PRKCE: variants seen among roughly 807,000 people sequenced by gnomAD.
The protein encoded by PRKCE is protein kinase C epsilon, also known as protein kinase C epsilon type.
Under a neutral mutation model 85.4 loss-of-function variants are expected in PRKCE, and 16 were observed. The observed-to-expected ratio is 0.19, with a 90% CI of 0.13 to 0.28. The LOEUF (loss-of-function observed/expected upper bound fraction) is 0.28. Among genes scored for constraint, PRKCE ranks in the 10% least tolerant of loss-of-function variants. The probability of loss-of-function intolerance (pLI) is 1.00; values close to 1 mark genes in which losing one functional copy is unlikely to be tolerated. For synonymous variants in PRKCE, 388 were observed against 371.5 expected, an observed-to-expected ratio of 1.04 and a Z score of -0.51; for missense variants, 573 against 975.2, an observed-to-expected ratio of 0.59 and a Z score of 5.49.
At chr2:45,707,933 C>A (rs1435427815) in intron 1 of PRKCE, among the ~76,000 whole-genome samples, 1 of 152,212 alleles carries the variant, frequency 6.6e-6, no homozygotes, top group Non-Finnish European at 1.5e-5. Flanking sequence ...CTTCCTGCAG[C>A]ATGACTTATG....
chr2:45,799,208 G>A (rs55824628), intron 1 of PRKCE, among the ~76,000 whole-genome samples: 7,503 of 150,298 alleles, frequency 0.05, 634 homozygotes, highest in African/African-American at 0.17. Flanking sequence ...ATTCATTATT[G>A]ATGTTCTATT....
At chr2:46,074,584 G>A (rs1243492010) in intron 10 of PRKCE, among the ~76,000 whole-genome samples, 1 of 152,150 alleles carries the variant, frequency 6.6e-6, no homozygotes, top group Non-Finnish European at 1.5e-5. Context: ...TGAGCCTCCT[G>A]GAAATCAGAA....
intron 11 of PRKCE, among the ~76,000 whole-genome samples, chr2:46,115,890 G>T (rs1310010750): frequency 6.6e-6 from 1 of 152,134 alleles, no homozygotes; most frequent in African/African-American, 2.4e-5. Flanking sequence ...CTTCATCTTT[G>T]ATTTTCTTTT....
intron 1 of PRKCE, among the ~76,000 whole-genome samples, chr2:45,730,855 G>T (rs973388908): frequency 6.6e-6 from 1 of 152,122 alleles, no homozygotes. Context: ...AATTAATTTT[G>T]TGTGTCTGCC....
rs955758388 is a variant in PRKCE at position 46,151,367 on chromosome 2, T to C, written c.1920+138T>C. 11 of 918,852 alleles carry C rather than the reference T, an allele frequency of 1.2e-5. No homozygotes were observed. The African/African-American group carries it at 1.5e-4, about 13-fold the overall frequency. 56.9% of individuals were successfully genotyped at this position (918,852 alleles called of 1,614,324 possible). ...TGTCCAGCTTTCTCCCTCCCACCTCTGCTCATCACCACGGAATGGGAAGGA... is the reference window on the plus strand; with the variant it reads ...TGTCCAGCTTTCTCCCTCCCACCTCCGCTCATCACCACGGAATGGGAAGGA... On this transcript the variant is annotated intron_variant, in intron 13 of 14. Coordinates refer to ENST00000306156, the MANE Select transcript of PRKCE (RefSeq NM_005400.3).
At chr2:46,115,513 C>T (rs1364735653) in intron 11 of PRKCE, among the ~76,000 whole-genome samples, 2 of 152,204 alleles carry the variant, frequency 1.3e-5, no homozygotes, top group Non-Finnish European at 2.9e-5. Flanking sequence ...AGCCCCATTT[C>T]TCTTCAAGCT....
intron 1 of PRKCE, among the ~76,000 whole-genome samples, chr2:45,758,029 C>T (rs112281713): frequency 0.026 from 3,988 of 152,272 alleles, 77 homozygotes; most frequent in South Asian, 0.047. Flanking sequence ...GCCTAAAAGA[C>T]GGAATCAACA....
intron 2 of PRKCE, among the ~76,000 whole-genome samples, chr2:45,942,685 C>T (rs1445336313): frequency 2.0e-5 from 3 of 152,106 alleles, no homozygotes; most frequent in Non-Finnish European, 2.9e-5. Context: ...TGTGTAAGCA[C>T]GCTTTGTTTT....
At chr2:46,008,532 G>A (rs993900618) in intron 9 of PRKCE, among the ~76,000 whole-genome samples, 1 of 152,082 alleles carries the variant, frequency 6.6e-6, no homozygotes, top group African/African-American at 2.4e-5. Flanking sequence ...CTGCTCTGGG[G>A]ACCAGGAAGC....
intron 10 of PRKCE, among the ~76,000 whole-genome samples, chr2:46,080,752 C>T (rs1668993514): frequency 6.6e-6 from 1 of 152,118 alleles, no homozygotes. Flanking sequence ...TAAGTGTGTT[C>T]CTCAAGGAGC....
chr2:46,085,033 A>G (rs773439716), intron 10 of PRKCE, among the ~76,000 whole-genome samples: 49 of 151,760 alleles, frequency 3.2e-4, no homozygotes, highest in Non-Finnish European at 5.6e-4. Context: ...TCCATTTCCC[A>G]TCTCCACCCC....
At chr2:45,929,227 A>C (rs1414129232) in intron 2 of PRKCE, among the ~76,000 whole-genome samples, 1 of 152,254 alleles carries the variant, frequency 6.6e-6, no homozygotes, top group Non-Finnish European at 1.5e-5. Context: ...GGATTTGGGC[A>C]GATGAGCCTT....
At position 45,983,476 on chromosome 2, in the gene PRKCE, G is replaced by A. The variant is rs61756863; in HGVS notation, c.694-1075G>A. Among the ~76,000 whole-genome samples, 1,293 of 152,274 alleles carry A rather than the reference G, an allele frequency of 8.5e-3. 24 individuals are homozygous for A. Among genetic ancestry groups the A allele is most frequent in the South Asian group, 0.068 (326 of 4,820 alleles). On this transcript the variant is annotated intron_variant, in intron 5 of 14. Transcript: ENST00000306156. The stretch of plus-strand genomic sequence containing the variant: ...TGCTCCACTAAAGACATAGATGGAG[G>A]GTAGCGCTGTGGAGGGGCAGAGATG...
intron 11 of PRKCE, among the ~76,000 whole-genome samples, chr2:46,123,214 CTTTTTTTTTTTT>C (rs70937991): frequency 0.075 from 2,049 of 27,482 alleles, 106 homozygotes; most frequent in African/African-American, 0.24. Context: ...AAACACTTGC[CTTTTTTTTTTTT>C]TTTTTTTTTT....
At chr2:46,177,451 A>G (rs1679531368) in intron 14 of PRKCE, among the ~76,000 whole-genome samples, 1 of 152,206 alleles carries the variant, frequency 6.6e-6, no homozygotes, top group Admixed American at 6.5e-5. Flanking sequence ...TCTGAAACCT[A>G]CAGAGGAATC....
intron 1 of PRKCE, among the ~76,000 whole-genome samples, chr2:45,735,313 C>T (rs1194756519): frequency 6.6e-6 from 1 of 152,364 alleles, no homozygotes; most frequent in Admixed American, 6.5e-5. Context: ...CAGAGACTAT[C>T]ACTTCCATAT....
At chr2:45,961,991 G>A (rs186733911) in intron 2 of PRKCE, among the ~76,000 whole-genome samples, 128 of 152,264 alleles carry the variant, frequency 8.4e-4, no homozygotes, top group African/African-American at 2.8e-3. Flanking sequence ...CACCGCGCCC[G>A]GCTGCCAGGG....
chr2:45,961,882 A>G (rs748566331), intron 2 of PRKCE, among the ~76,000 whole-genome samples: 1 of 151,976 alleles, frequency 6.6e-6, no homozygotes. Context: ...TTTAGTAGAG[A>G]CGGGGTTTCT....
intron 10 of PRKCE, among the ~76,000 whole-genome samples, chr2:46,033,865 A>G (rs1707694169): frequency 6.6e-6 from 1 of 152,206 alleles, no homozygotes; most frequent in Non-Finnish European, 1.5e-5. Context: ...ATTTGCACTG[A>G]TGACTCAGAG....
Sources: gnomAD v4.1 joint callset for allele counts (sites outside exome capture counted in the v4.1 genomes callset) on GRCh38, gnomAD v4.1.1 for gene constraint, MANE v1.5 for transcripts, NCBI Gene and HGNC (gene_info 2026-07-23, HGNC 2026-07-21) for gene names.